ZNF804B: variants seen among roughly 807,000 people sequenced by gnomAD.
ZNF804B encodes the protein zinc finger 804B.
A neutral mutation model predicts 101.4 loss-of-function variants in ZNF804B; 80 were observed. The ratio of observed to expected loss-of-function variants is 0.79; its 90% CI spans 0.66 to 0.95. The LOEUF (loss-of-function observed/expected upper bound fraction) is 0.95. ZNF804B is among the 40% of genes least tolerant of loss of function. The probability of loss-of-function intolerance (pLI) is 0.00; values close to 1 mark genes in which losing one functional copy is unlikely to be tolerated. For synonymous variants in ZNF804B, 622 were observed against 558.8 expected (o/e 1.11, Z -1.59); for missense variants, 1,673 against 1,561.9 (o/e 1.07, Z -1.20).
At chr7:89,052,199 G>A (rs956275022) in intron 1 of ZNF804B, among the ~76,000 whole-genome samples, 3 of 152,044 alleles carry the variant, frequency 2.0e-5, no homozygotes, top group Non-Finnish European at 4.4e-5. Context: ...ATGCAGTGGT[G>A]TGATTATGAC....
chr7:89,237,414 T>A (rs771440641), intron 2 of ZNF804B, among the ~76,000 whole-genome samples: 77 of 152,176 alleles, frequency 5.1e-4, no homozygotes, highest in Non-Finnish European at 7.3e-4. Context: ...TTAGGTGTGA[T>A]CTATCTGAGG....
At chr7:88,761,826 C>T (rs768268195) in intron 1 of ZNF804B, among the ~76,000 whole-genome samples, 1 of 152,168 alleles carries the variant, frequency 6.6e-6, no homozygotes, top group Non-Finnish European at 1.5e-5. Flanking sequence ...TGTTCATCTT[C>T]CCAAATCTGT....
At chr7:88,772,252 T>C (rs1457126593) in intron 1 of ZNF804B, among the ~76,000 whole-genome samples, 1 of 152,220 alleles carries the variant, frequency 6.6e-6, no homozygotes, top group East Asian at 1.9e-4. Flanking sequence ...CCTGTCATCA[T>C]TGAAAGAAGA....
chr7:89,218,603 A>G (rs1463955488), intron 2 of ZNF804B, among the ~76,000 whole-genome samples: 1 of 152,138 alleles, frequency 6.6e-6, no homozygotes, highest in Non-Finnish European at 1.5e-5. Flanking sequence ...AAAAATCCAC[A>G]TATAACTTTT....
At chr7:88,787,420 A>G (rs1167318956) in intron 1 of ZNF804B, among the ~76,000 whole-genome samples, 1 of 152,102 alleles carries the variant, frequency 6.6e-6, no homozygotes, top group Non-Finnish European at 1.5e-5. Context: ...CACTTCTTTA[A>G]AGATGTTCCT....
At chr7:88,795,904 G>A (rs1790474949) in intron 1 of ZNF804B, among the ~76,000 whole-genome samples, 1 of 152,038 alleles carries the variant, frequency 6.6e-6, no homozygotes, top group Non-Finnish European at 1.5e-5. Context: ...TTTTTAGTCA[G>A]GTGCATTTGT....
intron 2 of ZNF804B, among the ~76,000 whole-genome samples, chr7:89,258,566 A>G (rs1221849022): frequency 6.6e-6 from 1 of 152,132 alleles, no homozygotes; most frequent in Non-Finnish European, 1.5e-5. Context: ...AGCAATAGAT[A>G]TACAATTTAC....
chr7:88,834,416 A>T (rs115353647), intron 1 of ZNF804B, among the ~76,000 whole-genome samples: 2,991 of 151,902 alleles, frequency 0.02, 88 homozygotes, highest in African/African-American at 0.066. Flanking sequence ...TATACAAGAA[A>T]AACTAGTCAT....
intron 1 of ZNF804B, among the ~76,000 whole-genome samples, chr7:88,842,319 C>T (rs964893705): frequency 6.6e-6 from 1 of 152,254 alleles, no homozygotes; most frequent in East Asian, 1.9e-4. Flanking sequence ...CAGCCATTGT[C>T]ATTTGTTGGG....
intron 1 of ZNF804B, among the ~76,000 whole-genome samples, chr7:88,949,755 G>A (rs142063612): frequency 6.6e-6 from 1 of 151,952 alleles, no homozygotes; most frequent in Non-Finnish European, 1.5e-5. Context: ...GGTCCTTTAA[G>A]GTTATAATAT....
intron 1 of ZNF804B, among the ~76,000 whole-genome samples, chr7:89,126,010 T>C (rs1790470433): frequency 6.6e-6 from 1 of 152,032 alleles, no homozygotes; most frequent in South Asian, 2.1e-4. Context: ...TACAGATGCA[T>C]CAGTGATGTA....
chr7:89,006,733 A>T (rs1788373221), intron 1 of ZNF804B, among the ~76,000 whole-genome samples: 1 of 152,132 alleles, frequency 6.6e-6, no homozygotes, highest in African/African-American at 2.4e-5. Flanking sequence ...CTGTTAACAG[A>T]GACTTCACAA....
chr7:89,289,308 G>T (rs1039566116), intron 2 of ZNF804B, among the ~76,000 whole-genome samples: 1 of 151,890 alleles, frequency 6.6e-6, no homozygotes, highest in African/African-American at 2.4e-5. Context: ...TTGATCGTCT[G>T]CCCCATAGGA....
At chr7:88,946,668 G>A in intron 1 of ZNF804B, among the ~76,000 whole-genome samples, 1 of 151,146 alleles carries the variant, frequency 6.6e-6, no homozygotes, top group Non-Finnish European at 1.5e-5. Context: ...AATAGTTTCA[G>A]AAGGAATGGT....
At chr7:89,043,942 T>TCAAAAGAGTACA (rs1789058501) in intron 1 of ZNF804B, among the ~76,000 whole-genome samples, 1 of 152,154 alleles carries the variant, frequency 6.6e-6, no homozygotes, top group African/African-American at 2.4e-5. Flanking sequence ...AAAGAGTACA[T>TCAAAAGAGTACA]TCTAAAGAAT....
Position 89,335,599 on chromosome 7 carries a change from G to C in ZNF804B, c.2617G>C (p.Glu873Gln), listed in dbSNP as rs764746779. 1.2e-6 allele frequency: 2 copies of C among 1,613,778 alleles called. No homozygotes were observed. The highest frequency in any genetic ancestry group is 1.3e-5 in the African/African-American group (1 of 74,876). Residue 873 changes from glutamate (E) to glutamine (Q), a missense_variant, in exon 4 of 4, where the codon GAG becomes CAG. By Grantham distance (29) the Glu-to-Gln change is conservative. Coordinates refer to ENST00000333190, the MANE Select transcript of ZNF804B (RefSeq NM_181646.5). ...CTTGAATAAAAGCAAGAGAAATCAA[G>C]AGTCTTTGGGCAGCCCTCACATTTG... The part of the protein sequence containing the change: ...YYLNKSKRNQ[E>Q]SLGSPHICDL...
chr7:89,220,181 A>G lies in ZNF804B; in HGVS notation c.249+1886A>G, dbSNP rs967004789. Among the ~76,000 whole-genome samples, 190 of 77,580 alleles carry G rather than the reference A, an allele frequency of 2.4e-3. 55 individuals are homozygous for G. The highest frequency in any genetic ancestry group is 0.021 in the Middle Eastern group (4 of 192). 50.9% of individuals were successfully genotyped at this position (77,580 alleles called of 152,430 possible). A position where few individuals can be genotyped will look rare whatever the true frequency, so the allele number is the denominator to read the frequency against. On this transcript the variant is annotated intron_variant, in intron 2 of 3. Coordinates refer to ENST00000333190, the MANE Select transcript of ZNF804B (RefSeq NM_181646.5). ...TATATACGCACATATATATGTGTGTATATATATATATCCTTGGGAAATGCC... is the reference window on the plus strand; with the variant it reads ...TATATACGCACATATATATGTGTGTGTATATATATATCCTTGGGAAATGCC...
chr7:89,193,435 T>A (rs957926185), intron 1 of ZNF804B, among the ~76,000 whole-genome samples: 6 of 151,492 alleles, frequency 4.0e-5, no homozygotes, highest in African/African-American at 1.5e-4. Context: ...TAGCATTAGG[T>A]ATACATCCTA....
At chr7:89,241,057 C>T (rs1224360540) in intron 2 of ZNF804B, among the ~76,000 whole-genome samples, 1 of 152,066 alleles carries the variant, frequency 6.6e-6, no homozygotes. Context: ...CTGTCAGTAC[C>T]TACATCTCTG....
Sources: gnomAD v4.1 joint callset for allele counts (sites outside exome capture counted in the v4.1 genomes callset) on GRCh38, gnomAD v4.1.1 for gene constraint, MANE v1.5 for transcripts, NCBI Gene and HGNC (gene_info 2026-07-23, HGNC 2026-07-21) for gene names.